SBF2: variants seen among roughly 807,000 people sequenced by gnomAD.
SBF2 encodes the protein SET binding factor 2.
SBF2 carries 112 observed loss-of-function variants against 225.2 expected under a neutral mutation model. That is an observed-to-expected ratio of 0.50 (90% confidence interval 0.43 to 0.58). SBF2 has a LOEUF of 0.58. Ranked by LOEUF, SBF2 falls within the 20% of genes least tolerant of loss-of-function variation. SBF2 has a pLI of 0.00. For missense variants in SBF2, 1,996 were observed against 2,206.2 expected, an observed-to-expected ratio of 0.90 and a Z score of 1.91; for synonymous variants, 763 against 773.3, an observed-to-expected ratio of 0.99 and a Z score of 0.22.
chr11:10,014,354 C>T lies in SBF2; in HGVS notation c.620-11665G>A, dbSNP rs1217818761. 2.0e-5 allele frequency among the ~76,000 whole-genome samples: 3 copies of T among 151,888 alleles called. No individual in the cohort carries two copies. The South Asian group carries it at 6.3e-4, about 32-fold the overall frequency. On this transcript the variant is annotated intron_variant, in intron 6 of 39. Transcript: ENST00000256190. ...CATTACTTTTAATTCCATTCCATCC[C>T]CACAGGGTATCCCTCACTATCCCAA...
At chr11:9,781,378 TC>T (rs1851994648) in intron 39 of SBF2, 128 bp downstream of exon 39, 2 of 1,222,872 alleles carry the variant, frequency 1.6e-6, no homozygotes, top group Non-Finnish European at 2.4e-6. Flanking sequence ...CTGGAACAAT[TC>T]CCATAGCCAA....
intron 26 of SBF2, among the ~76,000 whole-genome samples, chr11:9,833,358 T>C (rs1036618864): frequency 6.6e-6 from 1 of 152,048 alleles, no homozygotes; most frequent in Non-Finnish European, 1.5e-5. Flanking sequence ...TTAGAAATAT[T>C]ACACAAAACA....
intron 13 of SBF2, among the ~76,000 whole-genome samples, chr11:9,980,125 C>A (rs975165107): frequency 1.3e-5 from 2 of 151,438 alleles, no homozygotes; most frequent in Non-Finnish European, 2.9e-5. Context: ...GGATTACAGG[C>A]ACGTGCCACC....
Position 10,072,702 on chromosome 11 carries a change from CA to C in SBF2, c.142-29722del, listed in dbSNP as rs1165597252. Reference sequence around the variant, plus strand: ...GCTGCATTACTATGTTCTCAAAAAACAAAAAAATCCAGTGGAATCTTTTTTT... The same window carrying C: ...GCTGCATTACTATGTTCTCAAAAAACAAAAAATCCAGTGGAATCTTTTTTT... On this transcript the variant is annotated intron_variant, in intron 2 of 39. Coordinates refer to ENST00000256190, the MANE Select transcript of SBF2 (RefSeq NM_030962.4). Among the ~76,000 whole-genome samples, 4 of 142,862 alleles carry C rather than the reference CA, an allele frequency of 2.8e-5. No individual in the cohort carries two copies. In the South Asian group the frequency reaches 8.9e-4, roughly 32 times the overall value. 93.7% of individuals were successfully genotyped at this position (142,862 alleles called of 152,430 possible). A position where few individuals can be genotyped will look rare whatever the true frequency, so the allele number is the denominator to read the frequency against.
At chr11:10,056,292 T>G (rs1483479582) in intron 2 of SBF2, among the ~76,000 whole-genome samples, 2 of 152,180 alleles carry the variant, frequency 1.3e-5, no homozygotes, top group Non-Finnish European at 2.9e-5. Flanking sequence ...TCGTTGGTAG[T>G]TTGTTAGGAA....
At chr11:10,292,715 AG>A (rs974380070) in intron 1 of SBF2, among the ~76,000 whole-genome samples, 5 of 146,354 alleles carry the variant, frequency 3.4e-5, no homozygotes, top group Non-Finnish European at 4.5e-5. Flanking sequence ...AAAAGTGGGG[AG>A]GGGGGGAGGC....
intron 17 of SBF2, among the ~76,000 whole-genome samples, chr11:9,888,504 C>CCA (rs1860523637): frequency 7.2e-6 from 1 of 138,052 alleles, no homozygotes; most frequent in Non-Finnish European, 1.6e-5. Context: ...AAACCAGTCT[C>CCA]AAAAAAAAAA....
intron 16 of SBF2, 75 bp downstream of exon 16, chr11:9,961,882 G>A (rs754134061): frequency 2.9e-6 from 4 of 1,395,942 alleles, no homozygotes; most frequent in African/African-American, 1.4e-5. Context: ...TGATATATTG[G>A]TAATTACAAA....
rs948245476 is a variant in SBF2 at position 10,279,908 on chromosome 11, C to T, written c.55+14107G>A. On this transcript the variant is annotated intron_variant, in intron 1 of 39. Coordinates refer to ENST00000256190, the MANE Select transcript of SBF2 (RefSeq NM_030962.4). ...TCATGATCCGCCCACCTCGGCCTCCCAAAGTGCTGGGATTACAGGCGTGAG... is the reference window on the plus strand; with the variant it reads ...TCATGATCCGCCCACCTCGGCCTCCTAAAGTGCTGGGATTACAGGCGTGAG... 3.3e-5 allele frequency among the ~76,000 whole-genome samples: 5 copies of T among 152,058 alleles called. No homozygotes were observed. In the East Asian group the frequency reaches 9.6e-4, roughly 29 times the overall value.
chr11:9,925,914 A>C (rs909200316), intron 16 of SBF2, among the ~76,000 whole-genome samples: 18 of 152,186 alleles, frequency 1.2e-4, no homozygotes, highest in East Asian at 7.7e-4. Flanking sequence ...GGGCAACTGA[A>C]AAATGTCAGT....
intron 33 of SBF2, among the ~76,000 whole-genome samples, chr11:9,791,950 A>G (rs1852769973): frequency 6.6e-6 from 1 of 152,226 alleles, no homozygotes; most frequent in South Asian, 2.1e-4. Flanking sequence ...TTCTTACAGT[A>G]TCCATATGGC....
intron 6 of SBF2, among the ~76,000 whole-genome samples, chr11:10,006,922 C>T (rs1422676251): frequency 3.3e-5 from 5 of 152,130 alleles, no homozygotes. Context: ...CAAGAATGCT[C>T]CAAGTTGAGA....
rs1245764871 is a variant in SBF2, at chr11:10,031,046, A to G, written c.402+2T>C. 6.2e-7 allele frequency: 1 copy of G among 1,610,550 alleles called. No individual in the cohort carries two copies. Among genetic ancestry groups the G allele is most frequent in the Non-Finnish European group, 8.5e-7 (1 of 1,177,226 alleles). ...TAATAATGATAACTATGTGTTCTTTACCCTAAAAATTTCTGGATAATATAA... is the reference window on the plus strand; with the variant it reads ...TAATAATGATAACTATGTGTTCTTTGCCCTAAAAATTTCTGGATAATATAA... On this transcript the variant is annotated splice_donor_variant, in intron 4 of 39. Coordinates refer to ENST00000256190, the MANE Select transcript of SBF2 (RefSeq NM_030962.4). LOFTEE classifies it high-confidence loss of function.
rs11452749 is a variant in SBF2 at position 9,798,951 on chromosome 11, C to CAAAA, written c.4444-2998_4444-2995dup. 6.6e-3 allele frequency among the ~76,000 whole-genome samples: 894 copies of CAAAA among 135,286 alleles called. 9 individuals carry two copies. Among genetic ancestry groups the CAAAA allele is most frequent in the African/African-American group, 0.016 (567 of 36,274 alleles). The allele number at this position is 135,286 out of a possible 152,430, so 88.8% of individuals were successfully genotyped here. A position where few individuals can be genotyped will look rare whatever the true frequency, so the allele number is the denominator to read the frequency against. On this transcript the variant is annotated intron_variant, in intron 32 of 39. Transcript: ENST00000256190. The stretch of plus-strand genomic sequence containing the variant: ...TGGGCAACAGAGCAAGACTCCGTCT[C>CAAAA]AAAAAAAAAAAAAACCAAAAAACAA...
rs748871743 is a variant in SBF2 at position 9,816,823 on chromosome 11, G to T, written c.3978+17C>A. The T allele has an allele frequency of 6.2e-7, 1 of 1,612,878 alleles. No individual in the cohort carries two copies. Among genetic ancestry groups the T allele is most frequent in the East Asian group, 2.2e-5 (1 of 44,882 alleles). On this transcript the variant is annotated intron_variant, in intron 29 of 39. Coordinates refer to ENST00000256190, the MANE Select transcript of SBF2 (RefSeq NM_030962.4). ...GCGTATCCATAAAGTTTCTAAGTGA[G>T]AAAAAAGAAATCTTACCCTTAGTTG...
intron 2 of SBF2, among the ~76,000 whole-genome samples, chr11:10,111,077 A>C (rs1952815838): frequency 6.6e-6 from 1 of 152,200 alleles, no homozygotes; most frequent in Non-Finnish European, 1.5e-5. Flanking sequence ...AACCACATTA[A>C]ACTGAATTAA....
chr11:9,832,540 T>C (rs933110710), intron 26 of SBF2, 120 bp from the exon 27 acceptor site: 7 of 715,450 alleles, frequency 9.8e-6, no homozygotes, highest in African/African-American at 5.3e-5. Flanking sequence ...ACTAATATCA[T>C]AGTAATTTTC....
chr11:10,114,065 T>G (rs1437728984), intron 2 of SBF2, among the ~76,000 whole-genome samples: 1 of 152,174 alleles, frequency 6.6e-6, no homozygotes, highest in African/African-American at 2.4e-5. Flanking sequence ...GGCTCCACCA[T>G]TTACTACTTG....
At chr11:10,041,376 C>T (rs577590009) in intron 3 of SBF2, among the ~76,000 whole-genome samples, 2 of 152,230 alleles carry the variant, frequency 1.3e-5, no homozygotes, top group South Asian at 4.1e-4. Flanking sequence ...TGATAACATA[C>T]AGTAATCTCT....
Sources: allele counts gnomAD v4.1 joint callset (sites outside exome capture counted in the v4.1 genomes callset), GRCh38; gene constraint gnomAD v4.1.1; transcripts MANE v1.5; gene names NCBI Gene and HGNC (gene_info 2026-07-23, HGNC 2026-07-21).